CCBE1: variants seen among roughly 807,000 people sequenced by gnomAD.
CCBE1 encodes the protein collagen and calcium binding EGF domains 1.
In CCBE1, 37 loss-of-function variants were observed where a neutral mutation model predicts 50.0. The observed-to-expected ratio is 0.74, with a 90% CI of 0.57 to 0.97. The LOEUF (loss-of-function observed/expected upper bound fraction) is 0.97. CCBE1 is among the 50% of genes least tolerant of loss of function. CCBE1 has a pLI of 0.00. For missense variants in CCBE1, 538 were observed against 523.8 expected (o/e 1.03, Z -0.26); for synonymous variants, 234 against 203.7 (o/e 1.15, Z -1.27).
chr18:59,486,578 G>T (rs1244614116), intron 2 of CCBE1, among the ~76,000 whole-genome samples: 1 of 152,240 alleles, frequency 6.6e-6, no homozygotes, highest in African/African-American at 2.4e-5. Flanking sequence ...CAAGAGGATT[G>T]TGCAGGGTGG....
chr18:59,569,926 C>T (rs184915525), intron 2 of CCBE1, among the ~76,000 whole-genome samples: 24 of 152,322 alleles, frequency 1.6e-4, no homozygotes, highest in African/African-American at 2.6e-4. Flanking sequence ...CCACTGCACC[C>T]GGCCTCAGCT....
chr18:59,479,339 C>T (rs1228260957), intron 3 of CCBE1, among the ~76,000 whole-genome samples: 1 of 152,198 alleles, frequency 6.6e-6, no homozygotes, highest in East Asian at 1.9e-4. Context: ...CACTTCTCCC[C>T]TCATTTCTGA....
Position 59,457,517 on chromosome 18 carries a change from C to T in CCBE1, c.554-2566G>A, listed in dbSNP as rs988511055. On this transcript the variant is annotated intron_variant, in intron 5 of 10. Coordinates refer to ENST00000439986, the MANE Select transcript of CCBE1 (RefSeq NM_133459.4). ...TGTGATGACTGGGCAAGGTAATGCA[C>T]GGAAAGCTCTCAGCACACAGCTTGG... is the stretch of plus-strand genomic sequence containing the variant. Among the ~76,000 whole-genome samples, 25 of 152,280 alleles carry T rather than the reference C, an allele frequency of 1.6e-4. No individual in the cohort carries two copies. In the East Asian group the frequency reaches 3.7e-3, roughly 22 times the overall value.
intron 2 of CCBE1, among the ~76,000 whole-genome samples, chr18:59,671,638 G>A (rs2054432893): frequency 6.6e-6 from 1 of 152,110 alleles, no homozygotes; most frequent in Non-Finnish European, 1.5e-5. Context: ...GCAACTGTGG[G>A]ATGAACAGAG....
chr18:59,642,050 G>T (rs1440690196), intron 2 of CCBE1, among the ~76,000 whole-genome samples: 14 of 151,986 alleles, frequency 9.2e-5, no homozygotes, highest in Admixed American at 5.9e-4. Flanking sequence ...TGATAAAATC[G>T]ATGACATTAA....
chr18:59,664,669 C>A (rs887648124), intron 2 of CCBE1, among the ~76,000 whole-genome samples: 1 of 152,070 alleles, frequency 6.6e-6, no homozygotes, highest in Non-Finnish European at 1.5e-5. Flanking sequence ...GACCCTCTAC[C>A]GATCTGTCTC....
intron 2 of CCBE1, among the ~76,000 whole-genome samples, chr18:59,485,261 A>T (rs75982171): frequency 0.019 from 2,939 of 152,308 alleles, 84 homozygotes; most frequent in African/African-American, 0.065. Context: ...ACATGTAAAA[A>T]AAATAAATAA....
intron 2 of CCBE1, among the ~76,000 whole-genome samples, chr18:59,553,114 C>A (rs1369484512): frequency 1.3e-5 from 2 of 152,170 alleles, no homozygotes; most frequent in Admixed American, 6.5e-5. Context: ...GGTTGCCCAT[C>A]CTAATCTTGA....
intron 2 of CCBE1, among the ~76,000 whole-genome samples, chr18:59,631,214 GA>G (rs368824658): frequency 1.1e-3 from 157 of 147,104 alleles, no homozygotes; most frequent in Middle Eastern, 6.8e-3. Context: ...ATGATCTGGA[GA>G]AAAAAAAAAG....
intron 2 of CCBE1, among the ~76,000 whole-genome samples, chr18:59,693,095 A>G (rs909744203): frequency 6.6e-6 from 1 of 152,124 alleles, no homozygotes; most frequent in Non-Finnish European, 1.5e-5. Context: ...CTAAAGCTCT[A>G]CAATGTGGCC....
intron 2 of CCBE1, among the ~76,000 whole-genome samples, chr18:59,490,322 T>C (rs1913037054): frequency 6.6e-6 from 1 of 151,740 alleles, no homozygotes. Flanking sequence ...AAAGGTTAGT[T>C]TGGAGATTCA....
At chr18:59,675,609 C>T (rs146147780) in intron 2 of CCBE1, among the ~76,000 whole-genome samples, 11 of 152,084 alleles carry the variant, frequency 7.2e-5, no homozygotes, top group East Asian at 1.9e-4. Flanking sequence ...TGATTGTGAA[C>T]GTACAAGCAT....
In CCBE1 at chr18:59,619,602, C is replaced by T. The variant is rs543821530; in HGVS notation, c.212+77027G>A. On this transcript the variant is annotated intron_variant, in intron 2 of 10. Transcript: ENST00000439986. ...AGTTCTTTCTATGATTTATCCGGCTCCATTTAACTGTACTCATTTTAGCCA... is the reference window on the plus strand; with the variant it reads ...AGTTCTTTCTATGATTTATCCGGCTTCATTTAACTGTACTCATTTTAGCCA... Among the ~76,000 whole-genome samples, 165 of 152,276 alleles carry T rather than the reference C, an allele frequency of 1.1e-3. 1 individual carries two copies. Among genetic ancestry groups the T allele is most frequent in the African/African-American group, 3.7e-3 (155 of 41,564 alleles).
At chr18:59,636,249 AG>A (rs2053914809) in intron 2 of CCBE1, among the ~76,000 whole-genome samples, 1 of 152,222 alleles carries the variant, frequency 6.6e-6, no homozygotes. Context: ...GAAGAAAAAA[AG>A]CTATATTAAA....
intron 2 of CCBE1, among the ~76,000 whole-genome samples, chr18:59,556,962 T>C (rs1272970054): frequency 7.1e-6 from 1 of 141,014 alleles, no homozygotes; most frequent in Non-Finnish European, 1.6e-5. Flanking sequence ...ACATTAGTGC[T>C]GGCCACCAGG....
rs142621956 is a variant in CCBE1 at position 59,515,095 on chromosome 18, G to T, written c.213-34857C>A. On this transcript the variant is annotated intron_variant, in intron 2 of 10. Transcript: ENST00000439986. ...ATACATAAAACACAAGGGAACAGAA[G>T]TAAGAAGTGCAGAGGTGCAACAACA... 1.1e-3 allele frequency among the ~76,000 whole-genome samples: 165 copies of T among 152,316 alleles called. 1 individual carries two copies. The highest frequency in any genetic ancestry group is 3.7e-3 in the African/African-American group (154 of 41,566).
intron 2 of CCBE1, among the ~76,000 whole-genome samples, chr18:59,537,552 G>A (rs1418188428): frequency 1.3e-5 from 2 of 152,160 alleles, no homozygotes; most frequent in Admixed American, 6.5e-5. Flanking sequence ...CTTCCACCAT[G>A]ATTGTGAGGC....
At chr18:59,464,390 T>TGCACTCCA (rs1911642873) in intron 5 of CCBE1, among the ~76,000 whole-genome samples, 1 of 152,186 alleles carries the variant, frequency 6.6e-6, no homozygotes, top group Non-Finnish European at 1.5e-5. Context: ...ATTGCACCAC[T>TGCACTCCA]GCACTCCAGC....
At chr18:59,692,649 C>T (rs1791341) in intron 2 of CCBE1, among the ~76,000 whole-genome samples, 126,699 of 151,614 alleles carry the variant, frequency 0.84, 53,624 homozygotes, top group Admixed American at 0.92. Flanking sequence ...TTTGCAAAAA[C>T]ATCACATTAA....
Sources: gnomAD v4.1 joint callset for allele counts (sites outside exome capture counted in the v4.1 genomes callset) on GRCh38, gnomAD v4.1.1 for gene constraint, MANE v1.5 for transcripts, NCBI Gene and HGNC (gene_info 2026-07-23, HGNC 2026-07-21) for gene names.